The following MICU1 variants were observed in gnomAD, a reference collection of about 807,000 sequenced individuals.
MICU1 encodes calcium uptake protein 1, mitochondrial.
MICU1 carries 45 observed loss-of-function variants against 56.8 expected under a neutral mutation model. That is an observed-to-expected ratio of 0.79 (90% confidence interval 0.62 to 1.02). The LOEUF (loss-of-function observed/expected upper bound fraction) is 1.02. Ranked by LOEUF, MICU1 falls within the 50% of genes least tolerant of loss-of-function variation. The pLI is 0.00. For synonymous variants in MICU1, 186 were observed against 195.1 expected, an observed-to-expected ratio of 0.95 and a Z score of 0.39; for missense variants, 504 against 587.1, an observed-to-expected ratio of 0.86 and a Z score of 1.46.
chr10:72,384,494 G>A (rs1354667737), intron 10 of MICU1, among the ~76,000 whole-genome samples: 1 of 152,110 alleles, frequency 6.6e-6, no homozygotes, highest in East Asian at 1.9e-4. Context: ...TTATGTGGAT[G>A]CTTTAACAGT....
intron 5 of MICU1, among the ~76,000 whole-genome samples, chr10:72,530,334 A>T (rs1426516739): frequency 8.2e-5 from 11 of 133,708 alleles, no homozygotes; most frequent in Non-Finnish European, 1.4e-4. Flanking sequence ...ACTCCATATC[A>T]AAATAATAAT....
rs576192388 is a variant in MICU1, at chr10:72,586,068, G to A, written c.-1-19274C>T. Among the ~76,000 whole-genome samples, 96 of 127,558 alleles carry A rather than the reference G, an allele frequency of 7.5e-4. 1 individual carries two copies. Among genetic ancestry groups the A allele is most frequent in the African/African-American group, 2.8e-3 (94 of 33,710 alleles). 83.7% of individuals were successfully genotyped at this position (127,558 alleles called of 152,430 possible). A position where few individuals can be genotyped will look rare whatever the true frequency, so the allele number is the denominator to read the frequency against. On this transcript the variant is annotated intron_variant, in intron 1 of 11. Coordinates refer to ENST00000361114, the MANE Select transcript of MICU1 (RefSeq NM_001195518.2). ...ATCGCTCTGTTGCCTGGGCTGGAGT[G>A]CAATGGCATGGTCATAGCTCACTGC... is the stretch of plus-strand genomic sequence containing the variant.
chr10:72,603,294 C>T (rs1314695057), intron 1 of MICU1, among the ~76,000 whole-genome samples: 1 of 147,978 alleles, frequency 6.8e-6, no homozygotes, highest in Non-Finnish European at 1.5e-5. Flanking sequence ...GGCTGAGACA[C>T]AAGAATAGCC....
chr10:72,580,370 A>C (rs1840864817), intron 1 of MICU1, among the ~76,000 whole-genome samples: 1 of 152,210 alleles, frequency 6.6e-6, no homozygotes, highest in African/African-American at 2.4e-5. Flanking sequence ...TTCTCAACTT[A>C]AACCATTTCA....
chr10:72,490,581 G>A (rs556748404), intron 6 of MICU1, among the ~76,000 whole-genome samples: 1 of 152,220 alleles, frequency 6.6e-6, no homozygotes, highest in Non-Finnish European at 1.5e-5. Context: ...GATGTTTCCT[G>A]CCTCCTGTCC....
intron 3 of MICU1, among the ~76,000 whole-genome samples, chr10:72,553,127 G>C (rs1564931645): frequency 6.6e-6 from 1 of 152,152 alleles, no homozygotes; most frequent in East Asian, 1.9e-4. Flanking sequence ...AAAGAGTTTT[G>C]CAACCTCTCA....
intron 8 of MICU1, among the ~76,000 whole-genome samples, chr10:72,448,421 A>C (rs1322904131): frequency 6.6e-6 from 1 of 150,688 alleles, no homozygotes; most frequent in Non-Finnish European, 1.5e-5. Flanking sequence ...TCATCCGCCC[A>C]CCTTGGCCTC....
At chr10:72,618,018 T>G (rs3000963) in intron 1 of MICU1, among the ~76,000 whole-genome samples, 70,076 of 151,712 alleles carry the variant, frequency 0.46, 20,215 homozygotes, top group Non-Finnish European at 0.67. Flanking sequence ...ATATAAAAAT[T>G]AGCCAGGAGT....
intron 4 of MICU1, among the ~76,000 whole-genome samples, chr10:72,544,265 G>A (rs1013077454): frequency 1.3e-5 from 2 of 152,124 alleles, no homozygotes; most frequent in South Asian, 2.1e-4. Flanking sequence ...CAGGGAGCTC[G>A]GTTTTTGGAG....
intron 10 of MICU1, among the ~76,000 whole-genome samples, chr10:72,402,865 T>C (rs1372125762): frequency 6.6e-6 from 1 of 151,878 alleles, no homozygotes; most frequent in Non-Finnish European, 1.5e-5. Context: ...CTGGGCAACA[T>C]GGTGAAACTA....
intron 6 of MICU1, among the ~76,000 whole-genome samples, chr10:72,495,427 G>A (rs917006054): frequency 2.0e-5 from 3 of 152,088 alleles, no homozygotes; most frequent in Non-Finnish European, 4.4e-5. Flanking sequence ...AGCCCAAGGC[G>A]GATGGATCAC....
At chr10:72,373,682 G>A (rs991659512) in intron 11 of MICU1, among the ~76,000 whole-genome samples, 3 of 152,116 alleles carry the variant, frequency 2.0e-5, no homozygotes, top group Non-Finnish European at 4.4e-5. Flanking sequence ...AGGGAAAAGG[G>A]GGGACTTGAG....
At chr10:72,474,750 A>G (rs1222097934) in intron 8 of MICU1, among the ~76,000 whole-genome samples, 2 of 152,134 alleles carry the variant, frequency 1.3e-5, no homozygotes, top group Non-Finnish European at 2.9e-5. Context: ...ATCCTTCTTC[A>G]TCTCCATCTT....
intron 6 of MICU1, among the ~76,000 whole-genome samples, chr10:72,503,434 T>C (rs935320181): frequency 1.3e-5 from 2 of 152,116 alleles, no homozygotes; most frequent in African/African-American, 4.8e-5. Flanking sequence ...TTGTCATAGC[T>C]GGGGGAGGGT....
chr10:72,542,585 A>G (rs1839800321), intron 4 of MICU1, among the ~76,000 whole-genome samples: 1 of 152,206 alleles, frequency 6.6e-6, no homozygotes, highest in South Asian at 2.1e-4. Context: ...ACGCAGCAGC[A>G]TCTGGATGGG....
intron 6 of MICU1, among the ~76,000 whole-genome samples, chr10:72,480,376 T>C (rs148017384): frequency 2.4e-3 from 367 of 152,360 alleles, no homozygotes; most frequent in Non-Finnish European, 3.8e-3. Flanking sequence ...TCTCAGCTTA[T>C]GCAGATGAAG....
intron 1 of MICU1, among the ~76,000 whole-genome samples, chr10:72,581,490 T>C (rs1366426178): frequency 6.6e-6 from 1 of 152,096 alleles, no homozygotes; most frequent in African/African-American, 2.4e-5. Context: ...TAGCTGGGCA[T>C]GGTGGTGCCT....
chr10:72,602,270 G>C (rs1302812418), intron 1 of MICU1, among the ~76,000 whole-genome samples: 5 of 151,182 alleles, frequency 3.3e-5, no homozygotes, highest in African/African-American at 1.2e-4. Flanking sequence ...GGCCAATATG[G>C]TGAAACCCCA....
At chr10:72,616,520 G>A (rs1016157183) in intron 1 of MICU1, among the ~76,000 whole-genome samples, 2 of 150,976 alleles carry the variant, frequency 1.3e-5, no homozygotes, top group African/African-American at 4.9e-5. Context: ...CTGGGAGGCA[G>A]AGGTTGTGGT....
Sources: allele counts gnomAD v4.1 joint callset (sites outside exome capture counted in the v4.1 genomes callset), GRCh38; gene constraint gnomAD v4.1.1; transcripts MANE v1.5; gene names NCBI Gene and HGNC (gene_info 2026-07-23, HGNC 2026-07-21).